Variants in CFAP57 observed in about 807,000 individuals in gnomAD.
CFAP57 encodes cilia- and flagella-associated protein 57.
A neutral mutation model predicts 146.8 loss-of-function variants in CFAP57; 116 were observed. That is an observed-to-expected ratio of 0.79 (90% confidence interval 0.68 to 0.92). CFAP57 has a LOEUF of 0.92. Ranked by LOEUF, CFAP57 falls within the 40% of genes least tolerant of loss-of-function variation. CFAP57 has a pLI of 0.00. For synonymous variants in CFAP57, 518 were observed against 552.8 expected, an observed-to-expected ratio of 0.94 and a Z score of 0.88; for missense variants, 1,377 against 1,527.2, an observed-to-expected ratio of 0.90 and a Z score of 1.64.
intron 14 of CFAP57, 95 bp from the exon 15 acceptor site, chr1:43,222,010 G>T: frequency 9.3e-7 from 1 of 1,077,624 alleles, no homozygotes. Flanking sequence ...GCTCCAGCTG[G>T]TGCTGGAAGG....
intron 6 of CFAP57, among the ~76,000 whole-genome samples, chr1:43,191,735 T>G (rs1207184994): frequency 6.6e-6 from 1 of 151,912 alleles, no homozygotes; most frequent in Non-Finnish European, 1.5e-5. Context: ...TATTCTCTAT[T>G]TCATTAATGT....
At chr1:43,217,415 T>C (rs1644875301) in intron 12 of CFAP57, among the ~76,000 whole-genome samples, 1 of 152,090 alleles carries the variant, frequency 6.6e-6, no homozygotes, top group Non-Finnish European at 1.5e-5. Context: ...TATATCCCAC[T>C]AGCCAGGGCA....
intron 13 of CFAP57, among the ~76,000 whole-genome samples, chr1:43,220,639 G>A (rs1441640171): frequency 1.3e-5 from 2 of 152,138 alleles, no homozygotes; most frequent in Non-Finnish European, 2.9e-5. Context: ...TGGGAGGACT[G>A]CTCGAGCCTG....
chr1:43,178,708 A>G (rs533351838), intron 2 of CFAP57, among the ~76,000 whole-genome samples: 23 of 152,352 alleles, frequency 1.5e-4, no homozygotes, highest in Non-Finnish European at 2.2e-4. Flanking sequence ...TAGTTCAAGC[A>G]TTGTGGAAGA....
Position 43,199,494 on chromosome 1 carries a change from C to T in CFAP57, c.1533C>T (p.His511=). The change falls in exon 9 of 23, where the codon CAC becomes CAT. Residue 511 remains histidine, a synonymous_variant. Transcript: ENST00000372492. ...SLENISSLKG[H]TGKIRSIVWN... ...AGAACATCTCAAGCCTGAAAGGACA[C>T]ACAGGGAAGGTAAGTGAGTGAACAG... 1 of 1,614,138 alleles carries T rather than the reference C, an allele frequency of 6.2e-7. No individual in the cohort carries two copies. The highest frequency in any genetic ancestry group is 8.5e-7 in the Non-Finnish European group (1 of 1,180,018).
chr1:43,233,487 TA>T (rs79375692), intron 19 of CFAP57, among the ~76,000 whole-genome samples: 2,446 of 138,842 alleles, frequency 0.018, 51 homozygotes, highest in African/African-American at 0.05. Flanking sequence ...AGACTCCGTC[TA>T]AAAAAAAAAA....
At chr1:43,175,015 G>A (rs1645115642) in intron 2 of CFAP57, among the ~76,000 whole-genome samples, 1 of 151,946 alleles carries the variant, frequency 6.6e-6, no homozygotes, top group Admixed American at 6.6e-5. Flanking sequence ...CCCAGTTTTT[G>A]TCTGAAAATG....
At chr1:43,223,114 A>G in intron 16 of CFAP57, 117 bp downstream of exon 16, 2 of 1,162,296 alleles carry the variant, frequency 1.7e-6, no homozygotes, top group East Asian at 2.6e-5. Flanking sequence ...CCCCATCTTC[A>G]GCGAGCAGGC....
intron 11 of CFAP57, among the ~76,000 whole-genome samples, chr1:43,212,521 C>T (rs975444925): frequency 2.6e-5 from 4 of 152,122 alleles, no homozygotes; most frequent in Non-Finnish European, 4.4e-5. Context: ...ATCCATCTCG[C>T]GTATTTATGA....
At chr1:43,196,357 G>T (rs956692498) in intron 6 of CFAP57, 1 of 153,150 alleles carries the variant, frequency 6.5e-6, no homozygotes, top group African/African-American at 2.4e-5. Context: ...AGATGGAGAA[G>T]AATAACAATA....
At chr1:43,227,852 TAGTGGTC>T (rs1453526203) in intron 18 of CFAP57, among the ~76,000 whole-genome samples, 2 of 152,220 alleles carry the variant, frequency 1.3e-5, no homozygotes, top group Admixed American at 6.5e-5. Flanking sequence ...CTCTCTCAGT[TAGTGGTC>T]TATGATCCAC....
chr1:43,210,079 G>GTTTAAACTAC, intron 11 of CFAP57, 163 bp downstream of exon 11: 1 of 1,613,802 alleles, frequency 6.2e-7, no homozygotes, highest in East Asian at 2.2e-5. Flanking sequence ...TATACTCTTT[G>GTTTAAACTAC]TTTAAACTAC....
At chr1:43,250,794 G>A (rs1336182186) in intron 22 of CFAP57, among the ~76,000 whole-genome samples, 1 of 152,150 alleles carries the variant, frequency 6.6e-6, no homozygotes, top group Non-Finnish European at 1.5e-5. Context: ...ACACTCACTT[G>A]CCGGGACACA....
chr1:43,178,880 C>G (rs928977232), intron 2 of CFAP57, among the ~76,000 whole-genome samples: 4 of 152,128 alleles, frequency 2.6e-5, no homozygotes, highest in African/African-American at 9.7e-5. Flanking sequence ...GACTTGGAAC[C>G]AACCCAAATG....
intron 9 of CFAP57, 33 bp from the exon 10 acceptor site, chr1:43,206,687 A>G (rs1216644668): frequency 1.2e-6 from 2 of 1,611,298 alleles, no homozygotes; most frequent in Non-Finnish European, 1.7e-6. Context: ...GTGTGTGTAC[A>G]CTCTTCACTG....
At chr1:43,189,578 A>G (rs1643370789) in intron 6 of CFAP57, among the ~76,000 whole-genome samples, 1 of 152,190 alleles carries the variant, frequency 6.6e-6, no homozygotes, top group Non-Finnish European at 1.5e-5. Flanking sequence ...TAATTTTTGC[A>G]TACTGATCTT....
At chr1:43,186,658 C>T (rs770511165) in intron 5 of CFAP57, 49 bp from the exon 6 acceptor site, 1 of 1,550,666 alleles carries the variant, frequency 6.4e-7, no homozygotes, top group Non-Finnish European at 8.9e-7. Flanking sequence ...CCTAAGGCCA[C>T]AATGACAACG....
intron 22 of CFAP57, among the ~76,000 whole-genome samples, chr1:43,244,369 G>A (rs1441370492): frequency 2.0e-5 from 3 of 152,120 alleles, no homozygotes; most frequent in African/African-American, 7.2e-5. Flanking sequence ...TGGCTGAAAG[G>A]TACACAGGAA....
At chr1:43,239,608 G>A (rs1645832357) in intron 21 of CFAP57, among the ~76,000 whole-genome samples, 1 of 152,218 alleles carries the variant, frequency 6.6e-6, no homozygotes, top group African/African-American at 2.4e-5. Context: ...GTGACAGAAT[G>A]GATGGAGATG....
Sources: allele counts gnomAD v4.1 joint callset (sites outside exome capture counted in the v4.1 genomes callset), GRCh38; gene constraint gnomAD v4.1.1; transcripts MANE v1.5; gene names NCBI Gene and HGNC (gene_info 2026-07-23, HGNC 2026-07-21).